IL23R: variants seen among roughly 807,000 people sequenced by gnomAD.
The protein encoded by IL23R is interleukin-23 receptor.
Under a neutral mutation model 56.9 loss-of-function variants are expected in IL23R, and 34 were observed. The ratio of observed to expected loss-of-function variants is 0.60; its 90% CI spans 0.45 to 0.80. The LOEUF is 0.80. Among genes scored for constraint, IL23R ranks in the 30% least tolerant of loss-of-function variants. IL23R has a pLI of 0.00. For missense variants in IL23R, 635 were observed against 730.0 expected (o/e 0.87, Z 1.50); for synonymous variants, 230 against 249.2 (o/e 0.92, Z 0.73).
At chr1:67,139,950 G>A (rs1646620558) in intron 1 of IL23R, among the ~76,000 whole-genome samples, 1 of 152,124 alleles carries the variant, frequency 6.6e-6, no homozygotes, top group Admixed American at 6.5e-5. Flanking sequence ...GGGATTGGTG[G>A]TTTTATAAGA....
Position 67,231,416 on chromosome 1 carries a change from C to T in IL23R, c.956-5297C>T, listed in dbSNP as rs193023984. Reference sequence around the variant, plus strand: ...GGTTTTATTTGTGTAAAACATGGTACTAAGTGCTTGATATGAACTGTCTCA... The same window carrying T: ...GGTTTTATTTGTGTAAAACATGGTATTAAGTGCTTGATATGAACTGTCTCA... On this transcript the variant is annotated intron_variant, in intron 7 of 10. Coordinates refer to ENST00000347310, the MANE Select transcript of IL23R (RefSeq NM_144701.3). Among the ~76,000 whole-genome samples the T allele has an allele frequency of 2.0e-5, 3 of 152,252 alleles. No homozygotes were observed. The East Asian group carries it at 5.8e-4, about 29-fold the overall frequency.
At chr1:67,251,235 G>A (rs550325294) in intron 9 of IL23R, among the ~76,000 whole-genome samples, 2 of 152,200 alleles carry the variant, frequency 1.3e-5, no homozygotes, top group East Asian at 1.9e-4. Flanking sequence ...GGCAGATCAC[G>A]AGGTCAGCAG....
chr1:67,141,470 T>C (rs1329436032), intron 1 of IL23R, among the ~76,000 whole-genome samples: 1 of 152,058 alleles, frequency 6.6e-6, no homozygotes, highest in Non-Finnish European at 1.5e-5. Flanking sequence ...CAAAAAAGTT[T>C]TTACAAGTCC....
chr1:67,198,897 A>T (rs1648387445), intron 4 of IL23R, among the ~76,000 whole-genome samples: 1 of 152,130 alleles, frequency 6.6e-6, no homozygotes, highest in Non-Finnish European at 1.5e-5. Flanking sequence ...GTGAGCCAAG[A>T]TGGCCCCACT....
In IL23R at chr1:67,207,038, A is replaced by G; in HGVS notation, c.781A>G (p.Thr261Ala). The G allele has an allele frequency of 1.2e-6, 2 of 1,614,126 alleles. No individual in the cohort carries two copies. The highest frequency in any genetic ancestry group is 1.7e-6 in the Non-Finnish European group (2 of 1,180,008). ...VSCEMRYKATTNQTWNVKEFD... is the reference protein window; with the variant it reads ...VSCEMRYKATANQTWNVKEFD... ...CTGTGAAATGAGATACAAGGCTACA[A>G]CAAACCAAACTTGGAATGTAAGCTC... Residue 261 changes from threonine (T) to alanine (A), a missense_variant, in exon 6 of 11, where the codon ACA becomes GCA. Thr to Ala is a moderately conservative substitution (Grantham distance 58). Coordinates refer to ENST00000347310, the MANE Select transcript of IL23R (RefSeq NM_144701.3).
intron 4 of IL23R, among the ~76,000 whole-genome samples, chr1:67,191,699 C>T (rs554231793): frequency 5.8e-4 from 89 of 152,290 alleles, no homozygotes; most frequent in African/African-American, 1.9e-3. Flanking sequence ...TATGTCCTCA[C>T]CACTCCACTG....
intron 1 of IL23R, among the ~76,000 whole-genome samples, chr1:67,145,906 A>G (rs1401270745): frequency 6.6e-6 from 1 of 152,188 alleles, no homozygotes; most frequent in East Asian, 1.9e-4. Context: ...GATATTTTGT[A>G]GTTTCTAAGG....
At position 67,259,082 on chromosome 1, in the gene IL23R, A is replaced by G. The variant is rs1267029527; in HGVS notation, c.1844A>G (p.Asn615Ser). 1.2e-6 allele frequency: 2 copies of G among 1,613,954 alleles called. No homozygotes were observed. The highest frequency in any genetic ancestry group is 1.7e-6 in the Non-Finnish European group (2 of 1,179,940). The stretch of plus-strand genomic sequence containing the variant: ...TCTATTAATACTTATTTTCCACAAA[A>G]TATTTTGGAAAGCCACTTCAATAGG... ...LPSINTYFPQNILESHFNRIS... is the reference protein window; with the variant it reads ...LPSINTYFPQSILESHFNRIS... Residue 615 changes from asparagine (N) to serine (S), a missense_variant, in exon 11 of 11, where the codon AAT becomes AGT. Asn to Ser is a conservative substitution (Grantham distance 46, BLOSUM62 1). Transcript: ENST00000347310.
chr1:67,147,648 C>T (rs897280375), intron 1 of IL23R, among the ~76,000 whole-genome samples: 1 of 151,770 alleles, frequency 6.6e-6, no homozygotes, highest in African/African-American at 2.4e-5. Context: ...TGCAGTGAGC[C>T]GAGATCATGC....
intron 1 of IL23R, among the ~76,000 whole-genome samples, chr1:67,152,725 G>T (rs1646739299): frequency 6.9e-6 from 1 of 144,952 alleles, no homozygotes; most frequent in Admixed American, 6.9e-5. Context: ...CTTTTCATTG[G>T]TTCTGTTTAT....
intron 6 of IL23R, 124 bp from the exon 7 acceptor site, chr1:67,219,450 A>G: frequency 1.2e-6 from 1 of 846,656 alleles, no homozygotes; most frequent in Non-Finnish European, 1.9e-6. Flanking sequence ...TATAAAGAAC[A>G]CTTTGTTTTC....
At chr1:67,261,827 T>C (rs924018680), downstream of IL23R, among the ~76,000 whole-genome samples, 2 of 152,260 alleles carry the variant, frequency 1.3e-5, no homozygotes, top group South Asian at 2.1e-4. Context: ...TACAGCATTG[T>C]TTGATCTTCT....
intron 1 of IL23R, among the ~76,000 whole-genome samples, chr1:67,150,368 A>G (rs1222440865): frequency 1.3e-5 from 2 of 148,806 alleles, no homozygotes; most frequent in Non-Finnish European, 3.0e-5. Context: ...CCCGTCATCT[A>G]GATTTTAAGC....
chr1:67,196,752 A>T (rs1410564227), intron 4 of IL23R, among the ~76,000 whole-genome samples: 1 of 152,222 alleles, frequency 6.6e-6, no homozygotes, highest in East Asian at 1.9e-4. Flanking sequence ...AAAAGATAAC[A>T]TAGGAAAATA....
intron 7 of IL23R, among the ~76,000 whole-genome samples, chr1:67,221,392 A>G (rs367782638): frequency 5.9e-5 from 9 of 152,210 alleles, no homozygotes; most frequent in Non-Finnish European, 8.8e-5. Context: ...GTTATCTACT[A>G]TATGTAAAGC....
chr1:67,190,691 C>T (rs1003232745), intron 4 of IL23R, among the ~76,000 whole-genome samples: 19 of 152,084 alleles, frequency 1.2e-4, no homozygotes, highest in Non-Finnish European at 2.1e-4. Flanking sequence ...TTGTATTAAA[C>T]TGTAGATATT....
intron 9 of IL23R, 51 bp from the exon 10 acceptor site, chr1:67,255,786 A>G (rs559914391): frequency 6.5e-6 from 6 of 919,510 alleles, no homozygotes; most frequent in Admixed American, 5.1e-5. Context: ...TGACTTCCTA[A>G]TCTCCTATAT....
At chr1:67,159,335 C>T (rs892275053) in intron 1 of IL23R, among the ~76,000 whole-genome samples, 11 of 151,984 alleles carry the variant, frequency 7.2e-5, no homozygotes, top group African/African-American at 9.7e-5. Context: ...TTCCCCTGCT[C>T]GCTCTCTCTC....
rs971996214 is a variant in IL23R at position 67,182,428 on chromosome 1, T to C, written c.368-408T>C. 3.9e-5 allele frequency among the ~76,000 whole-genome samples: 6 copies of C among 152,316 alleles called. No individual in the cohort carries two copies. In the East Asian group the frequency reaches 7.7e-4, roughly 20 times the overall value. On this transcript the variant is annotated intron_variant, in intron 3 of 10. Coordinates refer to ENST00000347310, the MANE Select transcript of IL23R (RefSeq NM_144701.3). ...GTGAGGCTTGATGGGCATAGGACCC[T>C]CTGAGCCAGGCATGGGATATAAGCT...
Sources: allele counts gnomAD v4.1 joint callset (sites outside exome capture counted in the v4.1 genomes callset), GRCh38; gene constraint gnomAD v4.1.1; transcripts MANE v1.5; gene names NCBI Gene and HGNC (gene_info 2026-07-23, HGNC 2026-07-21).